Variants in MTHFD2 observed in about 807,000 individuals in gnomAD.
The protein encoded by MTHFD2 is methylenetetrahydrofolate dehydrogenase (NADP+ dependent) 2, methenyltetrahydrofolate cyclohydrolase, also known as bifunctional methylenetetrahydrofolate dehydrogenase/cyclohydrolase, mitochondrial.
Under a neutral mutation model 36.8 loss-of-function variants are expected in MTHFD2, and 26 were observed. The observed-to-expected ratio is 0.71, with a 90% CI of 0.52 to 0.98. The LOEUF (loss-of-function observed/expected upper bound fraction) is 0.98. MTHFD2 is among the 50% of genes least tolerant of loss of function. The probability of loss-of-function intolerance (pLI) is 0.00; values close to 1 mark genes in which losing one functional copy is unlikely to be tolerated. For missense variants in MTHFD2, 373 were observed against 434.0 expected (o/e 0.86, Z 1.25); for synonymous variants, 164 against 155.2 (o/e 1.06, Z -0.42).
intron 7 of MTHFD2, 73 bp downstream of exon 7, chr2:74,211,939 ATTTAC>A: frequency 7.1e-6 from 4 of 567,254 alleles, no homozygotes; most frequent in South Asian, 4.1e-5. Context: ...AGGATAGATT[ATTTAC>A]TTTTTTTTTT....
rs1448852786 is a variant in MTHFD2, at chr2:74,198,842, G to C, written c.101+100G>C. 4 of 1,130,942 alleles carry C rather than the reference G, an allele frequency of 3.5e-6. No individual in the cohort carries two copies. In the Admixed American group the frequency reaches 7.5e-5, roughly 21 times the overall value. The allele number at this position is 1,130,942 out of a possible 1,614,324, so 70.1% of individuals were successfully genotyped here. On this transcript the variant is annotated intron_variant, in intron 1 of 7. Coordinates refer to ENST00000394053, the MANE Select transcript of MTHFD2 (RefSeq NM_006636.4). Reference sequence around the variant, plus strand: ...AGGGACACCGAGGGAAGTCCTTCCCGAACATCTCCGCCCCGGCGGTGGTGG... The same window carrying C: ...AGGGACACCGAGGGAAGTCCTTCCCCAACATCTCCGCCCCGGCGGTGGTGG...
intron 5 of MTHFD2, among the ~76,000 whole-genome samples, chr2:74,210,409 G>T (rs1024435408): frequency 6.6e-6 from 1 of 152,212 alleles, no homozygotes; most frequent in African/African-American, 2.4e-5. Context: ...CGTTGCAAAG[G>T]ATTGGATTGG....
At chr2:74,213,433 C>T (rs1694355813) in intron 7 of MTHFD2, among the ~76,000 whole-genome samples, 1 of 151,742 alleles carries the variant, frequency 6.6e-6, no homozygotes, top group Admixed American at 6.6e-5. Flanking sequence ...CATGTCACCT[C>T]ACTTGGCTAA....
At chr2:74,210,785 G>GTTTTTTTTTTTTTTTTTTTT (rs71406865) in intron 5 of MTHFD2, among the ~76,000 whole-genome samples, 1 of 132,070 alleles carries the variant, frequency 7.6e-6, no homozygotes, top group Non-Finnish European at 1.6e-5. Flanking sequence ...CATTAAGTCA[G>GTTTTTTTTTTTTTTTTTTTT]TTTTTTTTTT....
At chr2:74,211,591 A>C (rs1192563118) in intron 6 of MTHFD2, 150 bp from the exon 7 acceptor site, 1 of 732,808 alleles carries the variant, frequency 1.4e-6, no homozygotes, top group Non-Finnish European at 2.0e-6. Flanking sequence ...AAATAATAAA[A>C]GTAAATAGTT....
intron 1 of MTHFD2, among the ~76,000 whole-genome samples, chr2:74,202,415 AATGTATTT>A (rs1694062000): frequency 6.6e-6 from 1 of 152,138 alleles, no homozygotes; most frequent in South Asian, 2.1e-4. Flanking sequence ...CAGGATTAGG[AATGTATTT>A]TTGGCCTGCG....
intron 2 of MTHFD2, 50 bp downstream of exon 2, chr2:74,205,939 A>C: frequency 6.5e-7 from 1 of 1,544,336 alleles, no homozygotes; most frequent in South Asian, 1.1e-5. Flanking sequence ...GGTTTATATG[A>C]GGCAAAGTCC....
intron 1 of MTHFD2, among the ~76,000 whole-genome samples, chr2:74,203,906 G>GTTTAGTTAGTTTAGT (rs369717981): frequency 1.0e-4 from 3 of 29,518 alleles, no homozygotes; most frequent in East Asian, 8.8e-4. Context: ...GTTTAGTTTA[G>GTTTAGTTAGTTTAGT]TTAGTTTAGT....
Position 74,214,089 on chromosome 2 carries a change from A to G in MTHFD2, c.900A>G (p.Gln300=). 1 of 1,613,812 alleles carries G rather than the reference A, an allele frequency of 6.2e-7. No homozygotes were observed. The highest frequency in any genetic ancestry group is 1.3e-5 in the African/African-American group (1 of 75,048). The part of the protein sequence containing the change: ...VGDVDFEGVR[Q]KAGYITPVPG... Reference sequence around the variant, plus strand: ...CTTGTTTCTATGTAGGAGTCAGACAAAAAGCTGGGTATATCACTCCAGTTC... The same window carrying G: ...CTTGTTTCTATGTAGGAGTCAGACAGAAAGCTGGGTATATCACTCCAGTTC... Residue 300 remains glutamine, a synonymous_variant, in exon 8 of 8, where the codon CAA becomes CAG. Transcript: ENST00000394053.
At chr2:74,213,542 A>G (rs1361644833) in intron 7 of MTHFD2, among the ~76,000 whole-genome samples, 1 of 152,022 alleles carries the variant, frequency 6.6e-6, no homozygotes, top group Non-Finnish European at 1.5e-5. Flanking sequence ...ACCCTGCCTC[A>G]GCCCCCCAGA....
intron 4 of MTHFD2, 149 bp from the exon 5 acceptor site, chr2:74,209,793 C>T: frequency 1.9e-6 from 1 of 524,812 alleles, no homozygotes; most frequent in Non-Finnish European, 3.4e-6. Flanking sequence ...AGTATGCTTT[C>T]TCCTGTTTTC....
chr2:74,203,854 T>TAGTTC (rs1694101357), intron 1 of MTHFD2, among the ~76,000 whole-genome samples: 1 of 44,850 alleles, frequency 2.2e-5, no homozygotes, highest in Non-Finnish European at 3.9e-5. Flanking sequence ...TAGTTTAGTT[T>TAGTTC]AGTTTAGTTT....
intron 2 of MTHFD2, chr2:74,206,754 G>C (rs1032686147): frequency 6.6e-6 from 1 of 152,578 alleles, no homozygotes; most frequent in Non-Finnish European, 1.5e-5. Context: ...TGTTGCCCAG[G>C]CTGGAGTGCA....
At chr2:74,200,002 G>A (rs1694006550) in intron 1 of MTHFD2, among the ~76,000 whole-genome samples, 1 of 152,168 alleles carries the variant, frequency 6.6e-6, no homozygotes, top group South Asian at 2.1e-4. Flanking sequence ...TCTTAATGGA[G>A]CTCATGTTCC....
chr2:74,205,987 C>T (rs906750810), intron 2 of MTHFD2, 98 bp downstream of exon 2: 1 of 1,305,474 alleles, frequency 7.7e-7, no homozygotes, highest in African/African-American at 1.5e-5. Context: ...ATTAGGAAAC[C>T]CAAGCAGAGG....
chr2:74,214,402 C>A lies in MTHFD2; in HGVS notation c.*160C>A. 1.5e-6 allele frequency: 1 copy of A among 688,880 alleles called. No individual in the cohort carries two copies. Among genetic ancestry groups the A allele is most frequent in the Non-Finnish European group, 2.3e-6 (1 of 436,386 alleles). 42.7% of individuals were successfully genotyped at this position (688,880 alleles called of 1,614,324 possible). A position where few individuals can be genotyped will look rare whatever the true frequency, so the allele number is the denominator to read the frequency against. ...AATGGGTGGGTGTTTCTGCACATAC[C>A]TCTGCAGTACCTCACCAGGGAGCAT... On this transcript the variant is annotated 3_prime_UTR_variant, in exon 8 of 8. Transcript: ENST00000394053.
rs1448443730 is a variant in MTHFD2 at position 74,208,739 on chromosome 2, T to C, written c.562+18T>C. The C allele has an allele frequency of 6.2e-7, 1 of 1,611,728 alleles. No individual in the cohort carries two copies. The highest frequency in any genetic ancestry group is 8.5e-7 in the Non-Finnish European group (1 of 1,178,642). ...GCGAACTGGTAGGTATATCCCAGAA[T>C]TGCATGTCTGTGTTAATATTATAAA... On this transcript the variant is annotated intron_variant, in intron 4 of 7. Coordinates refer to ENST00000394053, the MANE Select transcript of MTHFD2 (RefSeq NM_006636.4).
chr2:74,202,969 A>C (rs953708842), intron 1 of MTHFD2, among the ~76,000 whole-genome samples: 9 of 152,312 alleles, frequency 5.9e-5, no homozygotes, highest in African/African-American at 2.2e-4. Context: ...ATATAAAATC[A>C]GGGTAAAAGT....
At chr2:74,212,055 T>G (rs1490814414) in intron 7 of MTHFD2, among the ~76,000 whole-genome samples, 189 bp downstream of exon 7, 1 of 146,038 alleles carries the variant, frequency 6.8e-6, no homozygotes, top group Non-Finnish European at 1.5e-5. Flanking sequence ...GTTCAAGCTA[T>G]TCTTCTGCCT....
Sources: allele counts gnomAD v4.1 joint callset (sites outside exome capture counted in the v4.1 genomes callset), GRCh38; gene constraint gnomAD v4.1.1; transcripts MANE v1.5; gene names NCBI Gene and HGNC (gene_info 2026-07-23, HGNC 2026-07-21).